CLEC4E: variants seen among roughly 807,000 people sequenced by gnomAD.
CLEC4E encodes the protein C-type (calcium dependent, carbohydrate-recognition domain) lectin, superfamily member 9.
In CLEC4E, 21 loss-of-function variants were observed where a neutral mutation model predicts 24.7. The observed-to-expected ratio is 0.85, with a 90% CI of 0.60 to 1.22. CLEC4E has a LOEUF of 1.22. Ranked by LOEUF, CLEC4E falls within the 50% of genes most tolerant of loss-of-function variation. The probability of loss-of-function intolerance (pLI) is 0.00; values close to 1 mark genes in which losing one functional copy is unlikely to be tolerated. For missense variants in CLEC4E, 249 were observed against 254.1 expected (o/e 0.98, Z 0.14); for synonymous variants, 94 against 85.7 (o/e 1.10, Z -0.54).
chr12:8,539,849 A>G lies in CLEC4E; in HGVS notation c.130+6T>C. 6.4e-7 allele frequency: 1 copy of G among 1,572,204 alleles called. No homozygotes were observed. The highest frequency in any genetic ancestry group is 8.8e-7 in the Non-Finnish European group (1 of 1,141,840). On this transcript the variant is annotated splice_donor_region_variant and intron_variant, in intron 2 of 5. Coordinates refer to ENST00000299663, the MANE Select transcript of CLEC4E (RefSeq NM_014358.4). ...AATTAAATTGAATTTGACCTTCAGA[A>G]CCCACCAACACATCTGGTGATGAAA...
At chr12:8,537,013 T>C in intron 4 of CLEC4E, 102 bp downstream of exon 4, 1 of 1,031,860 alleles carries the variant, frequency 9.7e-7, no homozygotes, top group Non-Finnish European at 1.4e-6. Context: ...TTTAGTACAT[T>C]CATTAACAAT....
In CLEC4E at chr12:8,539,961, G is replaced by A; in HGVS notation, c.38-14C>T. ...AGCATCCTCTCTCTGTAGAAAGAAA[G>A]ACACAAACATGATCAATCTTCCCTA... is the stretch of plus-strand genomic sequence containing the variant. On this transcript the variant is annotated splice_polypyrimidine_tract_variant and intron_variant, in intron 1 of 5. Coordinates refer to ENST00000299663, the MANE Select transcript of CLEC4E (RefSeq NM_014358.4). 7.4e-6 allele frequency: 11 copies of A among 1,488,296 alleles called. No individual in the cohort carries two copies. Among genetic ancestry groups the A allele is most frequent in the Non-Finnish European group, 1.0e-5 (11 of 1,065,706 alleles). 92.2% of individuals were successfully genotyped at this position (1,488,296 alleles called of 1,614,324 possible). A position where few individuals can be genotyped will look rare whatever the true frequency, so the allele number is the denominator to read the frequency against.
At chr12:8,536,724 T>G (rs1421489058) in intron 4 of CLEC4E, among the ~76,000 whole-genome samples, 1 of 152,218 alleles carries the variant, frequency 6.6e-6, no homozygotes, top group Non-Finnish European at 1.5e-5. Context: ...TTTCAAAGTT[T>G]ATCTACTATT....
intron 5 of CLEC4E, among the ~76,000 whole-genome samples, 177 bp from the exon 6 acceptor site, chr12:8,534,986 G>C (rs775019747): frequency 6.6e-6 from 1 of 152,186 alleles, no homozygotes; most frequent in Non-Finnish European, 1.5e-5. Context: ...ACTAGTTGTC[G>C]AAGTCACAGT....
intron 2 of CLEC4E, among the ~76,000 whole-genome samples, chr12:8,539,552 A>G (rs1940666419): frequency 6.6e-6 from 1 of 152,190 alleles, no homozygotes; most frequent in Non-Finnish European, 1.5e-5. Flanking sequence ...TCAAGCTCTA[A>G]GGCAGACTCT....
At chr12:8,536,328 G>C (rs900403569) in intron 4 of CLEC4E, 123 bp from the exon 5 acceptor site, 2 of 518,950 alleles carry the variant, frequency 3.9e-6, no homozygotes, top group African/African-American at 4.0e-5. Flanking sequence ...GGCCGAGGCG[G>C]GTGGATCACC....
At chr12:8,540,727 T>C in intron 1 of CLEC4E, 34 bp downstream of exon 1, 1 of 1,571,072 alleles carries the variant, frequency 6.4e-7, no homozygotes, top group Non-Finnish European at 8.8e-7. Context: ...CAAAAAGAGA[T>C]CTATGGAAGG....
chr12:8,534,632 C>A lies in CLEC4E; in HGVS notation c.*6G>T, dbSNP rs1940587256. On this transcript the variant is annotated 3_prime_UTR_variant, in exon 6 of 6. Transcript: ENST00000299663. ...TCTTTACACATTTGAGTTGTGCCTT[C>A]TGTTCTTAAAGAGATTTTCCTTTGT... The A allele has an allele frequency of 6.2e-7, 1 of 1,610,084 alleles. No individual in the cohort carries two copies. Among genetic ancestry groups the A allele is most frequent in the Non-Finnish European group, 8.5e-7 (1 of 1,177,254 alleles).
chr12:8,534,758 G>T lies in CLEC4E; in HGVS notation c.540C>A (p.Ala180=). ...TTGGGTTTGAAGAGTCTCTCATGGT[G>T]GCACAGTCCTCCAGGGTAGCTATGT... ...PNNIATLEDC[A]TMRDSSNPRQ... The change falls in exon 6 of 6, where the codon GCC becomes GCA. Residue 180 remains alanine, a synonymous_variant. Transcript: ENST00000299663. 1 of 1,614,034 alleles carries T rather than the reference G, an allele frequency of 6.2e-7. No individual in the cohort carries two copies. Among genetic ancestry groups the T allele is most frequent in the Non-Finnish European group, 8.5e-7 (1 of 1,179,974 alleles).
chr12:8,534,446 G>A lies in CLEC4E; in HGVS notation c.*192C>T, dbSNP rs58209042. On this transcript the variant is annotated 3_prime_UTR_variant, in exon 6 of 6. Transcript: ENST00000299663. ...TCTGGGAAGAGGACCTGAGACTAAC[G>A]TAGAGAGAAAATGCACTTCAGCCAG... The A allele has an allele frequency of 3.0e-3, 1,380 of 456,668 alleles. 18 individuals are homozygous for A. The highest frequency in any genetic ancestry group is 0.026 in the African/African-American group (1,270 of 49,576). The allele number at this position is 456,668 out of a possible 1,614,324, so 28.3% of individuals were successfully genotyped here. A position where few individuals can be genotyped will look rare whatever the true frequency, so the allele number is the denominator to read the frequency against.
intron 5 of CLEC4E, among the ~76,000 whole-genome samples, chr12:8,535,723 T>C (rs757448444): frequency 2.6e-5 from 4 of 152,278 alleles, no homozygotes; most frequent in South Asian, 2.1e-4. Flanking sequence ...GAGGCTATTA[T>C]TAAGGAGAAA....
chr12:8,536,867 A>T (rs1312015669), intron 4 of CLEC4E, among the ~76,000 whole-genome samples: 1 of 152,188 alleles, frequency 6.6e-6, no homozygotes, highest in Non-Finnish European at 1.5e-5. Flanking sequence ...TAAAATTAAC[A>T]CTTCCAACCC....
chr12:8,539,855 C>G lies in CLEC4E; in HGVS notation c.130G>C (p.Val44Leu). The G allele has an allele frequency of 3.8e-6, 6 of 1,593,282 alleles. No individual in the cohort carries two copies. The highest frequency in any genetic ancestry group is 4.3e-6 in the Non-Finnish European group (5 of 1,161,198). Reference sequence around the variant, plus strand: ...ATTGAATTTGACCTTCAGAACCCACCAACACATCTGGTGATGAAACAGGCA... The same window carrying G: ...ATTGAATTTGACCTTCAGAACCCACGAACACATCTGGTGATGAAACAGGCA... ...LSACFITRCV[V>L]TFRIFQTCDE... is the part of the protein sequence containing the mutation. Residue 44 changes from valine to leucine, a missense_variant and splice_region_variant, in exon 2 of 6, where the codon GTG becomes CTG. Coordinates refer to ENST00000299663, the MANE Select transcript of CLEC4E (RefSeq NM_014358.4).
chr12:8,539,866 G>T lies in CLEC4E; in HGVS notation c.119C>A (p.Thr40Asn), dbSNP rs763938533. The change falls in exon 2 of 6, where the codon ACC becomes AAC. Residue 40 changes from threonine (T) to asparagine (N), a missense_variant. By Grantham distance (65) the Thr-to-Asn change is moderately conservative. Transcript: ENST00000299663. ...PILFLSACFI[T>N]RCVVTFRIFQ... ...CCTTCAGAACCCACCAACACATCTG[G>T]TGATGAAACAGGCACTGAGAAATAG... 6.2e-7 allele frequency: 1 copy of T among 1,604,830 alleles called. No individual in the cohort carries two copies. Among genetic ancestry groups the T allele is most frequent in the Admixed American group, 1.7e-5 (1 of 60,000 alleles).
At chr12:8,539,694 G>C (rs1418009062) in intron 2 of CLEC4E, among the ~76,000 whole-genome samples, 161 bp downstream of exon 2, 1 of 151,990 alleles carries the variant, frequency 6.6e-6, no homozygotes, top group Non-Finnish European at 1.5e-5. Flanking sequence ...TGCTTGTTGA[G>C]GTTTCTGGTT....
Position 8,540,776 on chromosome 12 carries a change from CAGATGATTT to C in CLEC4E, c.13_21del (p.Lys5_Ser7del). ...CAGATTTTACCTGTGCATTGTGTTT[CAGATGATTT>C]AGATGAATTCATTTTTTCTCTCTCT... On this transcript the variant is annotated inframe_deletion, in exon 1 of 6. Coordinates refer to ENST00000299663, the MANE Select transcript of CLEC4E (RefSeq NM_014358.4). 1 of 1,610,158 alleles carries C rather than the reference CAGATGATTT, an allele frequency of 6.2e-7. No individual in the cohort carries two copies. Among genetic ancestry groups the C allele is most frequent in the Non-Finnish European group, 8.5e-7 (1 of 1,176,744 alleles).
At position 8,539,241 on chromosome 12, in the gene CLEC4E, G is replaced by T; in HGVS notation, c.196C>A (p.Leu66Ile). The T allele has an allele frequency of 6.2e-7, 1 of 1,611,980 alleles. No individual in the cohort carries two copies. The highest frequency in any genetic ancestry group is 2.2e-5 in the East Asian group (1 of 44,836). The change falls in exon 3 of 6, where the codon CTC (leucine) becomes ATC (isoleucine). Residue 66 changes from leucine (L) to isoleucine (I), a missense_variant. Leu to Ile is a conservative substitution (Grantham distance 5, BLOSUM62 2). Coordinates refer to ENST00000299663, the MANE Select transcript of CLEC4E (RefSeq NM_014358.4). ...KFQLPENFTE[L>I]SCYNYGSGSV... ...CCTGATCCATAATTGTAGCAGGAGA[G>T]CTCTGTGAAATTCTCAGGTAGCTGA...
chr12:8,536,390 T>C (rs1212975029), intron 4 of CLEC4E, among the ~76,000 whole-genome samples, 185 bp from the exon 5 acceptor site: 2 of 152,162 alleles, frequency 1.3e-5, no homozygotes, highest in Non-Finnish European at 2.9e-5. Flanking sequence ...ACCCTGTCTC[T>C]ACTAAAAGTA....
rs200806338 is a variant in CLEC4E, at chr12:8,536,203, T to A, written c.375A>T (p.Glu125Asp). 162 of 1,528,554 alleles carry A rather than the reference T, an allele frequency of 1.1e-4. No individual in the cohort carries two copies. In the East Asian group the frequency reaches 3.0e-3, roughly 28 times the overall value. 94.7% of individuals were successfully genotyped at this position (1,528,554 alleles called of 1,614,324 possible). ...TTTTAGGTTTCTTGTAGGAAAGGAA[T>A]TCCTATGGAAGATACAAAATAAAAG... Reference protein sequence around the residue: ...LVVINSQEEQEFLSYKKPKMR... With the variant: ...LVVINSQEEQDFLSYKKPKMR... Residue 125 changes from glutamate to aspartate, a missense_variant and splice_region_variant, in exon 5 of 6, where the codon GAA (glutamate) becomes GAT (aspartate). Coordinates refer to ENST00000299663, the MANE Select transcript of CLEC4E (RefSeq NM_014358.4).
Sources: gnomAD v4.1 joint callset for allele counts (sites outside exome capture counted in the v4.1 genomes callset) on GRCh38, gnomAD v4.1.1 for gene constraint, MANE v1.5 for transcripts, NCBI Gene and HGNC (gene_info 2026-07-23, HGNC 2026-07-21) for gene names.